Variants in CAMK4 observed in about 807,000 individuals in gnomAD.
The protein encoded by CAMK4 is calcium/calmodulin-dependent protein kinase type IV.
A neutral mutation model predicts 44.9 loss-of-function variants in CAMK4; 22 were observed. The ratio of observed to expected loss-of-function variants is 0.49; its 90% CI spans 0.35 to 0.70. The LOEUF (loss-of-function observed/expected upper bound fraction) is 0.70, where lower values mean the gene tolerates loss of function less well. Ranked by LOEUF, CAMK4 falls within the 30% of genes least tolerant of loss-of-function variation. CAMK4 has a pLI of 0.01. For synonymous variants in CAMK4, 218 were observed against 215.4 expected, an observed-to-expected ratio of 1.01 and a Z score of -0.11; for missense variants, 498 against 586.8, an observed-to-expected ratio of 0.85 and a Z score of 1.56.
intron 1 of CAMK4, among the ~76,000 whole-genome samples, chr5:111,325,076 G>A (rs392241): frequency 0.93 from 140,585 of 151,708 alleles, 65,287 homozygotes; most frequent in East Asian, 1. Flanking sequence ...TTCAACTCCC[G>A]CTTATGAGTG....
intron 1 of CAMK4, among the ~76,000 whole-genome samples, chr5:111,279,125 C>T (rs1023263342): frequency 1.3e-5 from 2 of 152,090 alleles, no homozygotes; most frequent in Non-Finnish European, 2.9e-5. Flanking sequence ...GAAAATAAGT[C>T]TAGTTTGGAC....
In CAMK4 at chr5:111,374,898, T is replaced by A; in HGVS notation, c.289T>A (p.Ser97Thr). The stretch of plus-strand genomic sequence containing the variant: ...TGAGATAGGAGTTCTTCTTCGCCTC[T>A]CACATCCAAACATTGTAAGTGGTTT... ...RTEIGVLLRL[S>T]HPNIIKLKEI... Residue 97 changes from serine to threonine, a missense_variant, in exon 3 of 11, where the codon TCA (serine) becomes ACA (threonine). By Grantham distance (58) the Ser-to-Thr change is moderately conservative. Coordinates refer to ENST00000282356, the MANE Select transcript of CAMK4 (RefSeq NM_001744.6). 1 of 1,610,838 alleles carries A rather than the reference T, an allele frequency of 6.2e-7. No individual in the cohort carries two copies. The highest frequency in any genetic ancestry group is 8.5e-7 in the Non-Finnish European group (1 of 1,177,420).
At chr5:111,351,763 A>C (rs1468028212) in intron 2 of CAMK4, among the ~76,000 whole-genome samples, 1 of 152,138 alleles carries the variant, frequency 6.6e-6, no homozygotes, top group African/African-American at 2.4e-5. Flanking sequence ...ACTCATAAAA[A>C]TAATATGTCA....
intron 2 of CAMK4, among the ~76,000 whole-genome samples, chr5:111,363,104 C>A (rs1750658211): frequency 6.6e-6 from 1 of 152,044 alleles, no homozygotes; most frequent in Non-Finnish European, 1.5e-5. Flanking sequence ...AGTATCAGTA[C>A]TTGCTGCAGT....
At position 111,394,315 on chromosome 5, in the gene CAMK4, TAAGG is replaced by T. The variant is rs140305924; in HGVS notation, c.387-389_387-386del. On this transcript the variant is annotated intron_variant, in intron 4 of 10. Transcript: ENST00000282356. ...ATGTCTGATGCGTGCTTCAAAATAA[TAAGG>T]AAGGAGTAGAAGTAATTAAGCAGAT... Among the ~76,000 whole-genome samples, 1,192 of 152,236 alleles carry T rather than the reference TAAGG, an allele frequency of 7.8e-3. 15 individuals are homozygous for T. The highest frequency in any genetic ancestry group is 0.027 in the African/African-American group (1,107 of 41,540).
intron 1 of CAMK4, among the ~76,000 whole-genome samples, chr5:111,324,291 A>C (rs909167911): frequency 6.6e-6 from 1 of 152,034 alleles, no homozygotes; most frequent in Admixed American, 6.6e-5. Context: ...AAGTTTCAAG[A>C]TTATCTATAG....
At chr5:111,236,826 C>T (rs1748753409) in intron 1 of CAMK4, among the ~76,000 whole-genome samples, 1 of 152,318 alleles carries the variant, frequency 6.6e-6, no homozygotes, top group Middle Eastern at 3.4e-3. Flanking sequence ...TATCTTATCC[C>T]TCTTTTATTC....
chr5:111,236,718 A>G (rs1748746233), intron 1 of CAMK4, among the ~76,000 whole-genome samples: 2 of 152,006 alleles, frequency 1.3e-5, no homozygotes, highest in Admixed American at 1.3e-4. Flanking sequence ...CACTCACACC[A>G]TTTCATAATT....
At chr5:111,320,249 T>A (rs1262594803) in intron 1 of CAMK4, among the ~76,000 whole-genome samples, 2 of 152,038 alleles carry the variant, frequency 1.3e-5, no homozygotes, top group Non-Finnish European at 2.9e-5. Context: ...CTGAGGAAAC[T>A]GGATTTTTCT....
chr5:111,394,606 T>C (rs1751927262), intron 4 of CAMK4, 104 bp from the exon 5 acceptor site: 1 of 711,018 alleles, frequency 1.4e-6, no homozygotes, highest in South Asian at 1.9e-5. Context: ...CTTGTTTCAA[T>C]TGTTTATGTG....
chr5:111,481,759 G>A (rs747157430), intron 9 of CAMK4, among the ~76,000 whole-genome samples: 2 of 152,092 alleles, frequency 1.3e-5, no homozygotes, highest in African/African-American at 4.8e-5. Flanking sequence ...TCTGACCTGA[G>A]GCAAGTCACT....
Position 111,273,529 on chromosome 5 carries a change from A to G in CAMK4, c.161+48885A>G, listed in dbSNP as rs115143590. ...TTAGTCTAATTTTTAATTTAATAAT[A>G]CATGTATTCATTCTCATAATAAAGA... On this transcript the variant is annotated intron_variant, in intron 1 of 10. Transcript: ENST00000282356. 3.6e-3 allele frequency among the ~76,000 whole-genome samples: 545 copies of G among 151,186 alleles called. 3 individuals carry two copies. The highest frequency in any genetic ancestry group is 0.013 in the African/African-American group (533 of 41,378).
intron 1 of CAMK4, among the ~76,000 whole-genome samples, chr5:111,248,011 A>G (rs1287785718): frequency 6.6e-6 from 1 of 152,172 alleles, no homozygotes; most frequent in African/African-American, 2.4e-5. Flanking sequence ...TATTTGATCA[A>G]GGACTTTTTG....
chr5:111,324,963 C>T (rs182077592), intron 1 of CAMK4, among the ~76,000 whole-genome samples: 95 of 151,922 alleles, frequency 6.3e-4, no homozygotes, highest in African/African-American at 2.2e-3. Flanking sequence ...TTAAGCCCCG[C>T]GTGCATTAGG....
intron 7 of CAMK4, among the ~76,000 whole-genome samples, chr5:111,454,778 G>A (rs1217706195): frequency 6.6e-6 from 1 of 151,950 alleles, no homozygotes; most frequent in African/African-American, 2.4e-5. Flanking sequence ...GTTTGTGGAT[G>A]TTTCAAACCC....
chr5:111,479,389 TG>T lies in CAMK4; in HGVS notation c.828+886del, dbSNP rs1040774612. On this transcript the variant is annotated intron_variant, in intron 9 of 10. Transcript: ENST00000282356. ...TTGCATTCAGGAAATCCATACCTTC[TG>T]GGGAGGTCACTCACCTCTTATAAAA... 4.6e-3 allele frequency among the ~76,000 whole-genome samples: 574 copies of T among 125,374 alleles called. 6 individuals are homozygous for T. Among genetic ancestry groups the T allele is most frequent in the African/African-American group, 0.014 (553 of 39,052 alleles). The allele number at this position is 125,374 out of a possible 152,430, so 82.3% of individuals were successfully genotyped here.
Position 111,224,415 on chromosome 5 carries a change from T to C in CAMK4, c.-69T>C, listed in dbSNP as rs1047143854. On this transcript the variant is annotated 5_prime_UTR_variant, in exon 1 of 11. Coordinates refer to ENST00000282356, the MANE Select transcript of CAMK4 (RefSeq NM_001744.6). The surrounding 1 kb of genome is among the most constrained non-coding windows in gnomAD (Gnocchi z 5.7). ...CGCTCCTGCGTTCGCAGGCGGCGGC[T>C]GGCGGCCGGCTTCTCGCTCGGGCAG... is the stretch of plus-strand genomic sequence containing the variant. The C allele has an allele frequency of 4.1e-5, 62 of 1,494,194 alleles. No homozygotes were observed. The South Asian group carries it at 6.0e-4, about 14-fold the overall frequency. The allele number at this position is 1,494,194 out of a possible 1,614,324, so 92.6% of individuals were successfully genotyped here. A position where few individuals can be genotyped will look rare whatever the true frequency, so the allele number is the denominator to read the frequency against.
At chr5:111,458,487 T>C (rs1754499721) in intron 7 of CAMK4, among the ~76,000 whole-genome samples, 1 of 152,216 alleles carries the variant, frequency 6.6e-6, no homozygotes, top group Admixed American at 6.5e-5. Context: ...TGTGCTTCTA[T>C]GCACTAGGCA....
At chr5:111,369,219 C>T (rs1431360685) in intron 2 of CAMK4, among the ~76,000 whole-genome samples, 1 of 151,810 alleles carries the variant, frequency 6.6e-6, no homozygotes, top group Non-Finnish European at 1.5e-5. Flanking sequence ...GCATGTGTTG[C>T]CATGCCCCGC....
Sources: gnomAD v4.1 joint callset for allele counts (sites outside exome capture counted in the v4.1 genomes callset) on GRCh38, gnomAD v4.1.1 for gene constraint, Gnocchi (gnomAD v3.1) non-coding constraint, MANE v1.5 for transcripts, NCBI Gene and HGNC (gene_info 2026-07-23, HGNC 2026-07-21) for gene names.